Variants in DNAH5 observed in about 807,000 individuals in gnomAD.
The protein encoded by DNAH5 is axonemal beta dynein heavy chain 5.
In DNAH5, 372 loss-of-function variants were observed where a neutral mutation model predicts 518.2. The ratio of observed to expected loss-of-function variants is 0.72; its 90% CI spans 0.66 to 0.78. DNAH5 has a LOEUF of 0.78. Among genes scored for constraint, DNAH5 ranks in the 30% least tolerant of loss-of-function variants. DNAH5 has a pLI of 0.00. For synonymous variants in DNAH5, 2,039 were observed against 2,025.9 expected, an observed-to-expected ratio of 1.01 and a Z score of -0.17; for missense variants, 5,523 against 5,687.0, an observed-to-expected ratio of 0.97 and a Z score of 0.93.
chr5:13,693,974 C>A (rs542770331), intron 78 of DNAH5, among the ~76,000 whole-genome samples: 1 of 152,254 alleles, frequency 6.6e-6, no homozygotes, highest in Admixed American at 6.5e-5. Flanking sequence ...TCATGCAATA[C>A]GGTTAACGCT....
intron 3 of DNAH5, among the ~76,000 whole-genome samples, chr5:13,924,926 C>G (rs1386589303): frequency 6.6e-6 from 1 of 151,972 alleles, no homozygotes; most frequent in Admixed American, 6.6e-5. Context: ...TTTAGATCTC[C>G]AAATGGACCG....
intron 52 of DNAH5, among the ~76,000 whole-genome samples, chr5:13,785,372 C>T (rs565642375): frequency 4.6e-5 from 7 of 152,140 alleles, no homozygotes; most frequent in Admixed American, 6.6e-5. Flanking sequence ...TCTGCGGCCC[C>T]GGGGCTGGGA....
intron 24 of DNAH5, among the ~76,000 whole-genome samples, chr5:13,870,470 T>C (rs1157845779): frequency 2.0e-5 from 3 of 152,152 alleles, no homozygotes; most frequent in East Asian, 1.9e-4. Flanking sequence ...CCATAGCTGA[T>C]TGACTTCCTT....
intron 73 of DNAH5, 91 bp from the exon 74 acceptor site, chr5:13,716,781 ATCAT>A (rs1205729163): frequency 1.2e-6 from 1 of 862,080 alleles, no homozygotes; most frequent in East Asian, 2.6e-5. Flanking sequence ...CACTTTCAAC[ATCAT>A]TCAGTCAGTC....
intron 21 of DNAH5, among the ~76,000 whole-genome samples, chr5:13,878,571 C>T (rs185595101): frequency 1.3e-5 from 2 of 152,286 alleles, no homozygotes; most frequent in Non-Finnish European, 2.9e-5. Flanking sequence ...TAGTGATAAG[C>T]CTAGGCCTAG....
At chr5:13,784,718 T>A (rs1197764258) in intron 52 of DNAH5, among the ~76,000 whole-genome samples, 1 of 152,236 alleles carries the variant, frequency 6.6e-6, no homozygotes, top group East Asian at 1.9e-4. Context: ...TCGAATCATT[T>A]TCTTTCTAAC....
At chr5:13,846,198 A>G (rs1350192642) in intron 31 of DNAH5, among the ~76,000 whole-genome samples, 1 of 151,982 alleles carries the variant, frequency 6.6e-6, no homozygotes, top group Non-Finnish European at 1.5e-5. Flanking sequence ...GGTAAACTGC[A>G]TGTTGGGAGG....
chr5:13,716,725 A>T, intron 73 of DNAH5, 35 bp from the exon 74 acceptor site: 6 of 1,427,798 alleles, frequency 4.2e-6, no homozygotes, highest in Non-Finnish European at 5.9e-6. Context: ...TGTAGAACTG[A>T]CTACCGTTGC....
At position 13,867,969 on chromosome 5, in the gene DNAH5, T is replaced by C; in HGVS notation, c.3858A>G (p.Arg1286=). The part of the protein sequence containing the change: ...PIEESYALLN[R]YGLLIAREEI... The stretch of plus-strand genomic sequence containing the variant: ...CTTCCCTTGCTATCAGAAGTCCATA[T>C]CTGTTAAGCAGGGCATAAGATTCCT... The change falls in exon 25 of 79, where the codon AGA becomes AGG. Residue 1286 remains arginine, a synonymous_variant. Transcript: ENST00000265104. 2 of 1,612,920 alleles carry C rather than the reference T, an allele frequency of 1.2e-6. No homozygotes were observed. The highest frequency in any genetic ancestry group is 1.7e-6 in the Non-Finnish European group (2 of 1,179,688).
chr5:14,010,093 T>C (rs1396458935), intron 1 of DNAH5, among the ~76,000 whole-genome samples: 2 of 152,206 alleles, frequency 1.3e-5, no homozygotes, highest in African/African-American at 4.8e-5. Context: ...TTTATTTTCA[T>C]AAAATTGGAA....
Position 13,862,658 on chromosome 5 carries a change from G to A in DNAH5, c.4686C>T (p.Phe1562=), listed in dbSNP as rs751766956. Residue 1562 remains phenylalanine (F), a synonymous_variant, in exon 29 of 79, where the codon TTC becomes TTT. Transcript: ENST00000265104. ...GCTCTCCACGGGTTTTAAAGCTGCC[G>A]AAGGTGAATGTTTTATTGTCCCATT... is the stretch of plus-strand genomic sequence containing the variant. The part of the protein sequence containing the change: ...INEWDNKTFT[F]GSFKTRGELL... The A allele has an allele frequency of 3.0e-5, 48 of 1,613,786 alleles. No homozygotes were observed. The Admixed American group carries it at 4.0e-4, about 13-fold the overall frequency.
At chr5:13,718,817 A>AT in intron 72 of DNAH5, 65 bp downstream of exon 72, 3 of 1,385,086 alleles carry the variant, frequency 2.2e-6, no homozygotes, top group East Asian at 2.3e-5. Flanking sequence ...TCCTTTTATA[A>AT]TTTTTTTAGG....
chr5:13,991,667 G>A (rs1053299476), intron 1 of DNAH5, among the ~76,000 whole-genome samples: 1 of 152,094 alleles, frequency 6.6e-6, no homozygotes, highest in Admixed American at 6.5e-5. Flanking sequence ...AGGAGTCATG[G>A]AGAAACGAGG....
chr5:13,864,303 G>C, intron 28 of DNAH5, 94 bp downstream of exon 28: 1 of 1,526,192 alleles, frequency 6.6e-7, no homozygotes. Context: ...TCAATTGTCT[G>C]AGTGTAGTTT....
chr5:13,767,212 C>A (rs1426534338), intron 58 of DNAH5, among the ~76,000 whole-genome samples: 1 of 152,168 alleles, frequency 6.6e-6, no homozygotes, highest in Admixed American at 6.5e-5. Flanking sequence ...GCAACCTCCC[C>A]CTCCCAGGTT....
chr5:13,917,288 T>A, intron 7 of DNAH5, 32 bp from the exon 8 acceptor site: 2 of 1,507,014 alleles, frequency 1.3e-6, no homozygotes, highest in South Asian at 1.1e-5. Context: ...AATTTTAATG[T>A]AATTATTAAT....
At chr5:13,692,283 A>T (rs1360540288) in intron 78 of DNAH5, 148 bp from the exon 79 acceptor site, 3 of 887,916 alleles carry the variant, frequency 3.4e-6, no homozygotes, top group Non-Finnish European at 5.4e-6. Context: ...AGGTCAGGCA[A>T]TTCCTAGATG....
At chr5:13,982,434 G>A (rs1310647670) in intron 1 of DNAH5, among the ~76,000 whole-genome samples, 1 of 151,040 alleles carries the variant, frequency 6.6e-6, no homozygotes, top group Admixed American at 6.6e-5. Flanking sequence ...GTAGACATAT[G>A]CACTATTGCA....
chr5:13,749,965 A>G (rs183246432), intron 65 of DNAH5, among the ~76,000 whole-genome samples: 1,372 of 131,180 alleles, frequency 0.01, 11 homozygotes, highest in South Asian at 0.031. Context: ...TCACTCAACC[A>G]TGCGATTTAT....
Sources: allele counts gnomAD v4.1 joint callset (sites outside exome capture counted in the v4.1 genomes callset), GRCh38; gene constraint gnomAD v4.1.1; transcripts MANE v1.5; gene names NCBI Gene and HGNC (gene_info 2026-07-23, HGNC 2026-07-21).